KRAS: variants seen among roughly 807,000 people sequenced by gnomAD.
KRAS encodes KRas proto-oncogene, GTPase, also known as GTPase KRas.
KRAS carries 1 observed loss-of-function variant against 21.0 expected under a neutral mutation model. The ratio of observed to expected loss-of-function variants is 0.05; its 90% CI spans 0.02 to 0.23. The LOEUF (loss-of-function observed/expected upper bound fraction) is 0.23, where lower values mean the gene tolerates loss of function less well. KRAS is among the 10% of genes least tolerant of loss of function. KRAS has a pLI of 1.00. For synonymous variants in KRAS, 67 were observed against 72.5 expected (o/e 0.92, Z 0.39); for missense variants, 107 against 221.8 (o/e 0.48, Z 3.29).
chr12:25,223,982 A>C (rs1206496853), intron 4 of KRAS, among the ~76,000 whole-genome samples: 1 of 152,040 alleles, frequency 6.6e-6, no homozygotes, highest in Non-Finnish European at 1.5e-5. Flanking sequence ...GAGATTGCAT[A>C]TGTGATAGTG....
intron 4 of KRAS, among the ~76,000 whole-genome samples, chr12:25,220,392 T>C (rs1237347611): frequency 6.6e-6 from 1 of 152,210 alleles, no homozygotes; most frequent in African/African-American, 2.4e-5. Flanking sequence ...TTTAAAATTA[T>C]AAGTTATTAA....
At chr12:25,248,195 G>A (rs1025465920) in intron 1 of KRAS, among the ~76,000 whole-genome samples, 4 of 151,884 alleles carry the variant, frequency 2.6e-5, no homozygotes, top group Non-Finnish European at 5.9e-5. Flanking sequence ...GGCCGGGTGT[G>A]GTGGCCTGTA....
At chr12:25,218,585 C>T (rs1195596102) in intron 4 of KRAS, among the ~76,000 whole-genome samples, 2 of 151,960 alleles carry the variant, frequency 1.3e-5, no homozygotes, top group Admixed American at 6.6e-5. Flanking sequence ...TTTTAGAGTA[C>T]CAGTTATTTA....
chr12:25,213,349 G>A (rs1171836711), intron 4 of KRAS, among the ~76,000 whole-genome samples: 1 of 152,048 alleles, frequency 6.6e-6, no homozygotes, highest in Non-Finnish European at 1.5e-5. Flanking sequence ...GAGACAATAG[G>A]AGGAGAAAAT....
chr12:25,234,859 AT>A (rs1951524592), intron 2 of KRAS: 1 of 217,424 alleles, frequency 4.6e-6, no homozygotes, highest in African/African-American at 2.2e-5. Flanking sequence ...GACATATTCC[AT>A]GTATCAAAAC....
chr12:25,246,039 G>A (rs7309670), intron 1 of KRAS, among the ~76,000 whole-genome samples: 28,789 of 150,730 alleles, frequency 0.19, 2,844 homozygotes, highest in Middle Eastern at 0.24. Flanking sequence ...AATATTTGAC[G>A]ACATTTTAAT....
At chr12:25,229,554 A>T (rs974972712) in intron 2 of KRAS, among the ~76,000 whole-genome samples, 1 of 152,222 alleles carries the variant, frequency 6.6e-6, no homozygotes, top group Non-Finnish European at 1.5e-5. Flanking sequence ...ATCTTGAAAT[A>T]AAAATCTGAT....
At position 25,206,081 on chromosome 12, in the gene KRAS, A is replaced by AG. The variant is rs1045660122; in HGVS notation, c.*3713_*3714insC. ...AAAAAAAAATCCCCTAAAAAAAGTTATATACTGTTTGAAGAAAAAATGTTT... is the reference window on the plus strand; with the variant it reads ...AAAAAAAAATCCCCTAAAAAAAGTTAGTATACTGTTTGAAGAAAAAATGTTT... On this transcript the variant is annotated 3_prime_UTR_variant, in exon 5 of 5. Transcript: ENST00000311936. 73 of 211,738 alleles carry AG rather than the reference A, an allele frequency of 3.4e-4. No homozygotes were observed. The highest frequency in any genetic ancestry group is 1.5e-3 in the African/African-American group (66 of 44,172). 13.1% of individuals were successfully genotyped at this position (211,738 alleles called of 1,614,324 possible).
At chr12:25,211,515 T>C (rs754348615) in intron 4 of KRAS, among the ~76,000 whole-genome samples, 27 of 152,160 alleles carry the variant, frequency 1.8e-4, no homozygotes, top group Non-Finnish European at 3.4e-4. Flanking sequence ...GCGAAGTGCA[T>C]TGCAGTGAGC....
intron 1 of KRAS, among the ~76,000 whole-genome samples, chr12:25,248,910 T>A (rs868345768): frequency 6.6e-6 from 1 of 152,380 alleles, no homozygotes; most frequent in African/African-American, 2.4e-5. Context: ...ATATTTGATA[T>A]CTGTAGTCTA....
intron 1 of KRAS, among the ~76,000 whole-genome samples, chr12:25,246,520 T>A (rs61759628): frequency 0.02 from 3,032 of 152,188 alleles, 77 homozygotes; most frequent in African/African-American, 0.069. Flanking sequence ...ATCACGCCAC[T>A]GCACTCCAGA....
At chr12:25,227,476 T>C (rs1343310570) in intron 2 of KRAS, 64 bp from the exon 3 acceptor site, 3 of 1,461,588 alleles carry the variant, frequency 2.1e-6, no homozygotes, top group South Asian at 1.2e-5. Context: ...AAAGGTGTTA[T>C]ATACAACTCA....
intron 4 of KRAS, among the ~76,000 whole-genome samples, chr12:25,224,433 AAAAC>A (rs2141503071): frequency 6.6e-6 from 1 of 152,226 alleles, no homozygotes; most frequent in Admixed American, 6.5e-5. Flanking sequence ...TTAATAAGTA[AAAAC>A]AAACAAAAAA....
chr12:25,210,041 TA>T, intron 4 of KRAS, 130 bp from the exon 5 acceptor site: 1 of 601,224 alleles, frequency 1.7e-6, no homozygotes, highest in Non-Finnish European at 2.8e-6. Context: ...ACTGAATATA[TA>T]TTACATATAT....
chr12:25,209,809 ACTTTGT>A lies in KRAS; in HGVS notation c.547_552del (p.Thr183_Lys184del), dbSNP rs1339924833. On this transcript the variant is annotated inframe_deletion, in exon 5 of 5. Transcript: ENST00000311936. ...ACAAATTGTATTTACATAATTACAC[ACTTTGT>A]CTTTGACTTCTTTTTCTTCTTTTTA... The A allele has an allele frequency of 3.0e-5, 48 of 1,609,126 alleles. No individual in the cohort carries two copies. Among genetic ancestry groups the A allele is most frequent in the Middle Eastern group, 1.7e-4 (1 of 6,032 alleles).
At chr12:25,233,191 A>G (rs1268373961) in intron 2 of KRAS, among the ~76,000 whole-genome samples, 2 of 152,098 alleles carry the variant, frequency 1.3e-5, no homozygotes, top group South Asian at 4.1e-4. Context: ...ATTGCTTCCT[A>G]GCAGGTATCC....
chr12:25,230,818 A>G (rs1282969978), intron 2 of KRAS, among the ~76,000 whole-genome samples: 1 of 152,038 alleles, frequency 6.6e-6, no homozygotes, highest in African/African-American at 2.4e-5. Flanking sequence ...CACCAGTCAG[A>G]AAAAAAAGAT....
intron 3 of KRAS, 102 bp from the exon 4 acceptor site, chr12:25,225,875 T>G: frequency 9.0e-7 from 1 of 1,105,306 alleles, no homozygotes; most frequent in Non-Finnish European, 1.3e-6. Context: ...AAGAAAACAA[T>G]GTAATTCCTA....
intron 2 of KRAS, among the ~76,000 whole-genome samples, chr12:25,243,891 G>A (rs1344391914): frequency 2.6e-5 from 4 of 152,204 alleles, no homozygotes; most frequent in Non-Finnish European, 4.4e-5. Context: ...TGCATAGGCA[G>A]TCTACTTCAA....
Sources: allele counts gnomAD v4.1 joint callset (sites outside exome capture counted in the v4.1 genomes callset), GRCh38; gene constraint gnomAD v4.1.1; transcripts MANE v1.5; gene names NCBI Gene and HGNC (gene_info 2026-07-23, HGNC 2026-07-21).